IFT172: variants seen among roughly 807,000 people sequenced by gnomAD.
The protein encoded by IFT172 is intraflagellar transport protein 172 homolog.
In IFT172, 164 loss-of-function variants were observed where a neutral mutation model predicts 248.9. The observed-to-expected ratio is 0.66, with a 90% CI of 0.58 to 0.75. IFT172 has a LOEUF of 0.75. Among genes scored for constraint, IFT172 ranks in the 30% least tolerant of loss-of-function variants. The probability of loss-of-function intolerance (pLI) is 0.00; values close to 1 mark genes in which losing one functional copy is unlikely to be tolerated. For synonymous variants in IFT172, 729 were observed against 791.6 expected, an observed-to-expected ratio of 0.92 and a Z score of 1.33; for missense variants, 1,950 against 2,192.4, an observed-to-expected ratio of 0.89 and a Z score of 2.21.
At chr2:27,451,430 C>CT (rs1665664076) in intron 35 of IFT172, among the ~76,000 whole-genome samples, 1 of 152,152 alleles carries the variant, frequency 6.6e-6, no homozygotes, top group Non-Finnish European at 1.5e-5. Context: ...CCCTCTCTTT[C>CT]TACTTCTCTC....
At chr2:27,467,327 C>T (rs554896046) in intron 16 of IFT172, among the ~76,000 whole-genome samples, 1 of 141,510 alleles carries the variant, frequency 7.1e-6, no homozygotes, top group African/African-American at 2.6e-5. Context: ...AATCCCAGCA[C>T]TTTGGGAGGC....
At chr2:27,480,939 C>T in intron 8 of IFT172, 107 bp downstream of exon 8, 1 of 805,024 alleles carries the variant, frequency 1.2e-6, no homozygotes, top group Non-Finnish European at 2.1e-6. Context: ...TACATACATA[C>T]ATTTGATTCT....
intron 14 of IFT172, among the ~76,000 whole-genome samples, chr2:27,473,766 G>A (rs1010982820): frequency 6.6e-6 from 1 of 151,998 alleles, no homozygotes; most frequent in African/African-American, 2.4e-5. Context: ...ATACTCCAAA[G>A]GGTTGATAGC....
chr2:27,489,573 A>G, intron 1 of IFT172, 42 bp downstream of exon 1: 4 of 1,528,326 alleles, frequency 2.6e-6, no homozygotes, highest in Non-Finnish European at 3.6e-6. Flanking sequence ...TTTTCTTGGA[A>G]CATAAAGCAT....
chr2:27,469,859 T>A (rs973955569), intron 16 of IFT172, among the ~76,000 whole-genome samples: 8 of 151,758 alleles, frequency 5.3e-5, no homozygotes, highest in Admixed American at 2.0e-4. Context: ...TGCCTAACTT[T>A]GGAGACAAAA....
chr2:27,470,803 T>C (rs182869047), intron 16 of IFT172, 125 bp downstream of exon 16: 13 of 928,422 alleles, frequency 1.4e-5, no homozygotes, highest in Non-Finnish European at 1.7e-5. Context: ...TAAGCTTTAT[T>C]TGCCAATTCT....
At chr2:27,478,932 G>C (rs1668153279) in intron 10 of IFT172, among the ~76,000 whole-genome samples, 1 of 152,196 alleles carries the variant, frequency 6.6e-6, no homozygotes, top group Non-Finnish European at 1.5e-5. Flanking sequence ...CCAATTGCCA[G>C]TGTGTAGCCA....
chr2:27,477,500 G>A, intron 12 of IFT172, 59 bp downstream of exon 12: 1 of 1,339,878 alleles, frequency 7.5e-7, no homozygotes, highest in Non-Finnish European at 1.1e-6. Context: ...CCATCTTTAT[G>A]ACACAGAAGC....
intron 14 of IFT172, among the ~76,000 whole-genome samples, chr2:27,474,999 C>G (rs983718076): frequency 1.3e-5 from 2 of 152,088 alleles, no homozygotes; most frequent in Non-Finnish European, 1.5e-5. Flanking sequence ...AAAGTCTATA[C>G]AAGCATATGC....
intron 13 of IFT172, 89 bp from the exon 14 acceptor site, chr2:27,476,815 TTTTA>T (rs1030374576): frequency 6.1e-4 from 447 of 738,806 alleles, no homozygotes; most frequent in Non-Finnish European, 7.2e-4. Context: ...GGGATGAAGC[TTTTA>T]TTTATTTATT....
intron 29 of IFT172, 39 bp downstream of exon 29, chr2:27,457,600 A>C: frequency 1.3e-6 from 2 of 1,540,378 alleles, no homozygotes; most frequent in Non-Finnish European, 1.8e-6. Flanking sequence ...GTGGGAAAGA[A>C]GGATGGATGT....
chr2:27,483,842 C>T (rs749845671), intron 5 of IFT172, 30 bp downstream of exon 5: 13 of 1,569,168 alleles, frequency 8.3e-6, no homozygotes, highest in South Asian at 1.1e-5. Context: ...CCTACCACCC[C>T]CTCTCTTGTG....
rs371953929 is a variant in IFT172, at chr2:27,459,668, C to T, written c.2642+41G>A. ...TCCTTACTTGCTCCACTGCCCCTCA[C>T]TTCACACCTAAATCTCCTTTACATT... On this transcript the variant is annotated intron_variant, in intron 24 of 47. Transcript: ENST00000260570. 2.5e-6 allele frequency: 4 copies of T among 1,609,686 alleles called. No homozygotes were observed. In the East Asian group the frequency reaches 8.9e-5, roughly 36 times the overall value.
At chr2:27,477,430 C>A (rs1668038316) in intron 12 of IFT172, 110 bp from the exon 13 acceptor site, 1 of 1,226,364 alleles carries the variant, frequency 8.2e-7, no homozygotes, top group Admixed American at 1.7e-5. Flanking sequence ...TGTTCTCTTA[C>A]CCTGCCAATT....
intron 42 of IFT172, 139 bp downstream of exon 42, chr2:27,447,376 A>T (rs1665233061): frequency 1.5e-6 from 2 of 1,299,732 alleles, no homozygotes; most frequent in Non-Finnish European, 1.1e-6. Flanking sequence ...AGATTTGTTT[A>T]GACAGAAGAG....
intron 14 of IFT172, among the ~76,000 whole-genome samples, chr2:27,474,859 G>GT (rs879793039): frequency 8.7e-4 from 125 of 144,150 alleles, no homozygotes; most frequent in Middle Eastern, 7.0e-3. Context: ...GCCTCAAACT[G>GT]TTTTTTTTTT....
intron 21 of IFT172, 26 bp downstream of exon 21, chr2:27,461,733 A>C: frequency 1.2e-6 from 2 of 1,613,830 alleles, no homozygotes; most frequent in East Asian, 4.5e-5. Context: ...AATTCTGAAC[A>C]ACTGTGGAGA....
Position 27,476,632 on chromosome 2 carries a change from C to G in IFT172, c.1411+9G>C. ...TTTGTTATTAAAATTATGAGAGAGT[C>G]TTACTCACCTATAGCAATAGTCTTA... On this transcript the variant is annotated intron_variant, in intron 14 of 47. Transcript: ENST00000260570. 6.8e-7 allele frequency: 1 copy of G among 1,474,132 alleles called. No homozygotes were observed. Among genetic ancestry groups the G allele is most frequent in the South Asian group, 1.2e-5 (1 of 86,724 alleles). 91.3% of individuals were successfully genotyped at this position (1,474,132 alleles called of 1,614,324 possible).
At position 27,480,145 on chromosome 2, in the gene IFT172, G is replaced by A. The variant is rs750783565; in HGVS notation, c.790C>T (p.Arg264Trp). The change falls in exon 9 of 48, where the codon CGG becomes TGG. Residue 264 changes from arginine to tryptophan, a missense_variant. This residue lies in a region of IFT172 where 1,166 missense variants were observed against 1,254.1 expected (regional missense o/e 0.93). Coordinates refer to ENST00000260570, the MANE Select transcript of IFT172 (RefSeq NM_015662.3). ...CTTCGAGGGATCCAGTTGAACACCC[G>A]AAGCCTGAAATAAAGTATGTGGCTT... ...SVVLGSYDRLRVFNWIPRRSI... is the reference protein window; with the variant it reads ...SVVLGSYDRLWVFNWIPRRSI... 7.4e-6 allele frequency: 12 copies of A among 1,613,332 alleles called. No individual in the cohort carries two copies. Among genetic ancestry groups the A allele is most frequent in the Admixed American group, 1.7e-5 (1 of 59,844 alleles).
Sources: gnomAD v4.1 joint callset for allele counts (sites outside exome capture counted in the v4.1 genomes callset) on GRCh38, gnomAD v4.1.1 for gene constraint, gnomAD v4.1.1 regional missense constraint, MANE v1.5 for transcripts, NCBI Gene and HGNC (gene_info 2026-07-23, HGNC 2026-07-21) for gene names.